Variants in SCML2 observed in about 807,000 individuals in gnomAD.
The protein encoded by SCML2 is sex comb on midleg-like protein 2.
A neutral mutation model predicts 48.4 loss-of-function variants in SCML2; 6 were observed. The observed-to-expected ratio is 0.12, with a 90% CI of 0.07 to 0.24. The LOEUF (loss-of-function observed/expected upper bound fraction) is 0.24, where lower values mean the gene tolerates loss of function less well. Ranked by LOEUF, SCML2 falls within the 10% of genes least tolerant of loss-of-function variation. The probability of loss-of-function intolerance (pLI) is 1.00; values close to 1 mark genes in which losing one functional copy is unlikely to be tolerated. For missense variants in SCML2, 377 were observed against 528.2 expected (o/e 0.71, Z 2.81); for synonymous variants, 181 against 189.5 (o/e 0.95, Z 0.37).
intron 9 of SCML2, among the ~76,000 whole-genome samples, chrX:18,259,878 G>T (rs765105484): frequency 5.1e-4 from 57 of 111,356 alleles, no homozygotes; most frequent in Middle Eastern, 4.7e-3. Flanking sequence ...ATGAGATAAA[G>T]GGAAAACAAG....
chrX:18,274,523 A>G (rs989409534), intron 7 of SCML2, among the ~76,000 whole-genome samples: 8 of 112,083 alleles, frequency 7.1e-5, no homozygotes, highest in Non-Finnish European at 1.5e-4. Flanking sequence ...TTTAGAAAAT[A>G]CAAATTTATG....
chrX:18,266,131 C>T (rs1420113245), intron 7 of SCML2, among the ~76,000 whole-genome samples: 2 of 111,134 alleles, frequency 1.8e-5, no homozygotes, highest in African/African-American at 6.5e-5. Context: ...AGGAGTCTTT[C>T]CTTCAGAATA....
chrX:18,263,640 A>G (rs1357090580), intron 8 of SCML2, among the ~76,000 whole-genome samples: 1 of 111,959 alleles, frequency 8.9e-6, no homozygotes, highest in Non-Finnish European at 1.9e-5. Flanking sequence ...AATATGCAGA[A>G]ATAAATAAGA....
At chrX:18,345,875 A>T (rs770204562) in intron 1 of SCML2, among the ~76,000 whole-genome samples, 2 of 104,525 alleles carry the variant, frequency 1.9e-5, no homozygotes, top group East Asian at 6.0e-4. Context: ...ACACACACAC[A>T]CAAAGTAGCT....
At chrX:18,336,864 GAAT>G (rs1488928523) in intron 1 of SCML2, among the ~76,000 whole-genome samples, 1 of 111,624 alleles carries the variant, frequency 9.0e-6, no homozygotes, top group Non-Finnish European at 1.9e-5. Context: ...GGAAAAAAAA[GAAT>G]AATATGCTTA....
At chrX:18,347,437 T>C (rs1930233498) in intron 1 of SCML2, among the ~76,000 whole-genome samples, 1 of 105,446 alleles carries the variant, frequency 9.5e-6, no homozygotes, top group Non-Finnish European at 1.9e-5. Flanking sequence ...AAGAGTAAAA[T>C]TCCATTTCAA....
chrX:18,328,826 T>G (rs970996835), intron 3 of SCML2, among the ~76,000 whole-genome samples: 6 of 112,584 alleles, frequency 5.3e-5, no homozygotes, highest in Non-Finnish European at 9.4e-5. Flanking sequence ...TCTTGGAGCT[T>G]ACCTTCTGGT....
At chrX:18,274,452 C>A (rs1379940896) in intron 7 of SCML2, among the ~76,000 whole-genome samples, 1 of 112,261 alleles carries the variant, frequency 8.9e-6, no homozygotes, top group Non-Finnish European at 1.9e-5. Flanking sequence ...GCTACATTAG[C>A]CTCTTAATTG....
intron 7 of SCML2, among the ~76,000 whole-genome samples, chrX:18,297,451 T>C (rs923724320): frequency 1.8e-5 from 2 of 111,643 alleles, no homozygotes; most frequent in African/African-American, 6.5e-5. Context: ...TGGGCTGGCT[T>C]TGGCTCAAGT....
chrX:18,317,847 A>AAG (rs1555918843), intron 6 of SCML2, among the ~76,000 whole-genome samples: 1 of 109,135 alleles, frequency 9.2e-6, no homozygotes, highest in African/African-American at 3.3e-5. Context: ...AAAAAAAAAA[A>AAG]AAAAAAGAAA....
chrX:18,291,215 G>A (rs997820965), intron 7 of SCML2, among the ~76,000 whole-genome samples: 2 of 111,493 alleles, frequency 1.8e-5, no homozygotes, highest in Non-Finnish European at 3.8e-5. Flanking sequence ...TACGGGTCTC[G>A]TGAGTAAATC....
intron 7 of SCML2, among the ~76,000 whole-genome samples, chrX:18,285,108 G>A (rs1395590120): frequency 1.8e-5 from 2 of 110,671 alleles, no homozygotes; most frequent in East Asian, 5.6e-4. Flanking sequence ...CATTGTTGGT[G>A]GGGACATAAA....
intron 13 of SCML2, among the ~76,000 whole-genome samples, chrX:18,244,232 C>G (rs956762146): frequency 3.6e-5 from 4 of 111,455 alleles, no homozygotes; most frequent in Admixed American, 1.9e-4. Flanking sequence ...CATGCTGTGC[C>G]TAAGTTAGCA....
At chrX:18,245,943 T>C (rs773806376) in intron 13 of SCML2, among the ~76,000 whole-genome samples, 24 of 112,125 alleles carry the variant, frequency 2.1e-4, no homozygotes, top group African/African-American at 6.8e-4. Context: ...TTCTCCACGT[T>C]GGTCAGGCTG....
rs369745864 is a variant in SCML2 at position 18,258,080 on chromosome X, G to C, written c.1237C>G (p.Leu413Val). 7 of 1,208,569 alleles carry C rather than the reference G, an allele frequency of 5.8e-6. No homozygotes were observed. Among genetic ancestry groups the C allele is most frequent in the Non-Finnish European group, 7.8e-6 (7 of 894,536 alleles). ...TCTCCTCCACGATTATCTGGCTTCA[G>C]GTATCCAAAAACAGTTTTAGTTTCA... ...ALETKTVFGY[L>V]KPDNRGGEVI... Residue 413 changes from leucine (L) to valine (V), a missense_variant, in exon 10 of 15, where the codon CTG becomes GTG. This residue lies in a region of SCML2 where 299 missense variants were observed against 425.5 expected (regional missense o/e 0.70). Transcript: ENST00000251900.
At chrX:18,307,818 A>G (rs1163337698) in intron 6 of SCML2, among the ~76,000 whole-genome samples, 3 of 110,273 alleles carry the variant, frequency 2.7e-5, no homozygotes, top group East Asian at 5.7e-4. Context: ...CTAAAAAAGT[A>G]TAAAAATTGG....
In SCML2 at chrX:18,334,665, G is replaced by C. The variant is rs774019620; in HGVS notation, c.-24-570C>G. Among the ~76,000 whole-genome samples the C allele has an allele frequency of 2.7e-5, 3 of 111,536 alleles. No individual in the cohort carries two copies. The South Asian group carries it at 1.1e-3, about 42-fold the overall frequency. On this transcript the variant is annotated intron_variant, in intron 1 of 14. Coordinates refer to ENST00000251900, the MANE Select transcript of SCML2 (RefSeq NM_006089.3). ...TAATTCATTAATTCAAACTTTTCCT[G>C]CATGTCCTCAATATGCCAGACATTC...
At chrX:18,292,989 ATG>A (rs1928281674) in intron 7 of SCML2, among the ~76,000 whole-genome samples, 1 of 111,343 alleles carries the variant, frequency 9.0e-6, no homozygotes. Flanking sequence ...TGATTTGACC[ATG>A]TGTGTGTTTT....
chrX:18,320,562 G>A (rs1253388837), intron 5 of SCML2, 142 bp from the exon 6 acceptor site: 22 of 379,739 alleles, frequency 5.8e-5, no homozygotes, highest in Non-Finnish European at 8.9e-5. Flanking sequence ...TGGGCAAGAG[G>A]AGCAGATGTA....
Sources: gnomAD v4.1 joint callset for allele counts (sites outside exome capture counted in the v4.1 genomes callset) on GRCh38, gnomAD v4.1.1 for gene constraint, gnomAD v4.1.1 regional missense constraint, MANE v1.5 for transcripts, NCBI Gene and HGNC (gene_info 2026-07-23, HGNC 2026-07-21) for gene names.